Variants in DCLK1 observed in about 807,000 individuals in gnomAD.
DCLK1 encodes serine/threonine-protein kinase DCLK1.
Under a neutral mutation model 86.2 loss-of-function variants are expected in DCLK1, and 16 were observed. The ratio of observed to expected loss-of-function variants is 0.19; its 90% CI spans 0.13 to 0.28. DCLK1 has a LOEUF of 0.28. DCLK1 is among the 10% of genes least tolerant of loss of function. The pLI is 1.00. For missense variants in DCLK1, 590 were observed against 940.2 expected (o/e 0.63, Z 4.87); for synonymous variants, 369 against 370.5 (o/e 1.00, Z 0.05).
At chr13:36,053,398 T>C (rs1271686385) in intron 3 of DCLK1, among the ~76,000 whole-genome samples, 1 of 152,132 alleles carries the variant, frequency 6.6e-6, no homozygotes, top group Non-Finnish European at 1.5e-5. Context: ...GATCACTTTC[T>C]ACTTAGTAAA....
At chr13:35,926,229 T>C (rs1876112511) in intron 4 of DCLK1, among the ~76,000 whole-genome samples, 1 of 152,136 alleles carries the variant, frequency 6.6e-6, no homozygotes, top group Non-Finnish European at 1.5e-5. Flanking sequence ...CGGCTAATTT[T>C]TGCATGTTTA....
chr13:36,089,421 C>A (rs753161228), intron 3 of DCLK1, among the ~76,000 whole-genome samples: 31 of 152,172 alleles, frequency 2.0e-4, no homozygotes, highest in Non-Finnish European at 3.2e-4. Flanking sequence ...TTTTTGGAAA[C>A]ATAACCTTGG....
intron 16 of DCLK1, among the ~76,000 whole-genome samples, chr13:35,785,615 A>G (rs2086606789): frequency 6.6e-6 from 1 of 152,134 alleles, no homozygotes; most frequent in Non-Finnish European, 1.5e-5. Context: ...AGAGAGACAG[A>G]CCAATTCTGG....
At chr13:35,830,627 T>C (rs1481848391) in intron 8 of DCLK1, among the ~76,000 whole-genome samples, 1 of 152,204 alleles carries the variant, frequency 6.6e-6, no homozygotes, top group African/African-American at 2.4e-5. Context: ...ATAAAGCAAA[T>C]CTCAGGTTGG....
At chr13:35,835,546 G>A (rs1447983426) in intron 8 of DCLK1, among the ~76,000 whole-genome samples, 3 of 152,232 alleles carry the variant, frequency 2.0e-5, no homozygotes, top group Admixed American at 1.3e-4. Context: ...ACAGAGTACC[G>A]GGTTCATTCA....
At chr13:35,874,174 C>G (rs1236650315) in intron 4 of DCLK1, among the ~76,000 whole-genome samples, 1 of 152,120 alleles carries the variant, frequency 6.6e-6, no homozygotes, top group African/African-American at 2.4e-5. Flanking sequence ...CTTCCCTATC[C>G]ACGCAATTTC....
At chr13:35,791,780 G>A (rs2086711651) in intron 16 of DCLK1, among the ~76,000 whole-genome samples, 1 of 152,126 alleles carries the variant, frequency 6.6e-6, no homozygotes, top group South Asian at 2.1e-4. Flanking sequence ...AAATGACAGA[G>A]GTGGAAAGGC....
At chr13:35,779,867 A>G (rs1166629276) in intron 16 of DCLK1, among the ~76,000 whole-genome samples, 1 of 152,128 alleles carries the variant, frequency 6.6e-6, no homozygotes, top group Non-Finnish European at 1.5e-5. Flanking sequence ...TGTAGCCCAT[A>G]TATGCAGTTT....
chr13:35,849,538 C>A (rs367863337), intron 6 of DCLK1: 2 of 979,224 alleles, frequency 2.0e-6, no homozygotes, highest in African/African-American at 3.5e-5. Context: ...ATAGACCATA[C>A]ACATTAAATT....
intron 3 of DCLK1, among the ~76,000 whole-genome samples, chr13:35,988,491 G>T (rs894282526): frequency 6.6e-6 from 1 of 152,094 alleles, no homozygotes; most frequent in African/African-American, 2.4e-5. Flanking sequence ...TTGGGGGAGG[G>T]AAAAAGTGTT....
At chr13:35,802,331 CAAAAA>C (rs34124656) in intron 15 of DCLK1, among the ~76,000 whole-genome samples, 2 of 97,492 alleles carry the variant, frequency 2.1e-5, no homozygotes, top group African/African-American at 3.9e-5. Context: ...GACCCTGTCT[CAAAAA>C]AAAAAAAAAA....
intron 3 of DCLK1, among the ~76,000 whole-genome samples, chr13:36,004,073 T>C (rs1416688103): frequency 1.3e-5 from 2 of 152,194 alleles, no homozygotes; most frequent in Non-Finnish European, 2.9e-5. Flanking sequence ...ATGGAATTGA[T>C]AACAACAAAA....
At chr13:35,981,084 G>C (rs1879613673) in intron 3 of DCLK1, among the ~76,000 whole-genome samples, 1 of 152,116 alleles carries the variant, frequency 6.6e-6, no homozygotes, top group Non-Finnish European at 1.5e-5. Context: ...AGATTTCAGA[G>C]AAAAGAATAT....
At chr13:35,867,933 G>GAAAGAAAGAAAA (rs1447925483) in intron 5 of DCLK1, among the ~76,000 whole-genome samples, 1 of 132,902 alleles carries the variant, frequency 7.5e-6, no homozygotes, top group Non-Finnish European at 1.6e-5. Context: ...AAGAAAGAAA[G>GAAAGAAAGAAAA]AAAGAAAGAA....
At chr13:36,125,708 A>C (rs1294137653) in intron 2 of DCLK1, 54 bp downstream of exon 2, 1 of 1,560,802 alleles carries the variant, frequency 6.4e-7, no homozygotes, top group Admixed American at 1.8e-5. Context: ...ACAACACTGG[A>C]AATCTGAGCC....
intron 3 of DCLK1, among the ~76,000 whole-genome samples, chr13:36,031,851 T>C (rs570008246): frequency 6.6e-6 from 1 of 152,310 alleles, no homozygotes; most frequent in African/African-American, 2.4e-5. Flanking sequence ...GCTGTTTGCA[T>C]CTGACTGAAC....
intron 3 of DCLK1, among the ~76,000 whole-genome samples, chr13:36,065,841 A>C (rs1883728411): frequency 6.6e-6 from 1 of 152,246 alleles, no homozygotes; most frequent in Admixed American, 6.5e-5. Context: ...ATGCCATTAT[A>C]TTACAACAAA....
At chr13:35,793,695 C>T (rs2086748527) in intron 15 of DCLK1, among the ~76,000 whole-genome samples, 1 of 151,882 alleles carries the variant, frequency 6.6e-6, no homozygotes, top group Non-Finnish European at 1.5e-5. Context: ...TGCTTTGTGT[C>T]ATCTGACCCT....
chr13:36,017,931 A>T (rs1470141789), intron 3 of DCLK1, among the ~76,000 whole-genome samples: 1 of 152,170 alleles, frequency 6.6e-6, no homozygotes, highest in Non-Finnish European at 1.5e-5. Context: ...ATCTGTGGCG[A>T]GAAGATTCAG....
Sources: allele counts gnomAD v4.1 joint callset (sites outside exome capture counted in the v4.1 genomes callset), GRCh38; gene constraint gnomAD v4.1.1; transcripts MANE v1.5; gene names NCBI Gene and HGNC (gene_info 2026-07-23, HGNC 2026-07-21).